The following CCDC178 variants were observed in gnomAD, a reference collection of about 807,000 sequenced individuals.
CCDC178 encodes the protein coiled-coil domain containing 178, also known as coiled-coil domain-containing protein 178.
Under a neutral mutation model 117.4 loss-of-function variants are expected in CCDC178, and 126 were observed. The observed-to-expected ratio is 1.07, with a 90% CI of 0.93 to 1.24. The LOEUF is 1.24. CCDC178 is among the 50% of genes most tolerant of loss of function. CCDC178 has a pLI of 0.00. For missense variants in CCDC178, 1,030 were observed against 986.9 expected (o/e 1.04, Z -0.59); for synonymous variants, 283 against 313.4 (o/e 0.90, Z 1.02).
At chr18:33,269,379 G>A (rs1423481899) in intron 12 of CCDC178, among the ~76,000 whole-genome samples, 2 of 151,710 alleles carry the variant, frequency 1.3e-5, no homozygotes, top group Non-Finnish European at 2.9e-5. Flanking sequence ...AAATATCCAG[G>A]GATGTGTGAA....
At chr18:32,985,419 T>C (rs1253385520) in intron 21 of CCDC178, among the ~76,000 whole-genome samples, 2 of 151,976 alleles carry the variant, frequency 1.3e-5, no homozygotes, top group Non-Finnish European at 2.9e-5. Context: ...TCTGACCCTA[T>C]TATTGTCTTA....
intron 21 of CCDC178, among the ~76,000 whole-genome samples, chr18:32,991,153 C>A (rs2055381681): frequency 6.6e-6 from 1 of 151,958 alleles, no homozygotes; most frequent in Non-Finnish European, 1.5e-5. Context: ...AAAAAAGATT[C>A]TTAGTAGCAA....
chr18:33,248,195 A>G (rs1479783608), intron 14 of CCDC178, among the ~76,000 whole-genome samples: 1 of 151,918 alleles, frequency 6.6e-6, no homozygotes, highest in Non-Finnish European at 1.5e-5. Flanking sequence ...AGTTCCATAC[A>G]TTGCCAAATT....
At chr18:32,971,977 C>T (rs2054937058) in intron 22 of CCDC178, among the ~76,000 whole-genome samples, 1 of 152,026 alleles carries the variant, frequency 6.6e-6, no homozygotes, top group African/African-American at 2.4e-5. Context: ...GTTGCCTCTT[C>T]ACTCTGATGC....
chr18:33,327,459 A>G (rs1384276479), intron 10 of CCDC178, among the ~76,000 whole-genome samples: 1 of 152,078 alleles, frequency 6.6e-6, no homozygotes, highest in African/African-American at 2.4e-5. Context: ...TGTTTCTTTT[A>G]GATGTATACC....
intron 21 of CCDC178, among the ~76,000 whole-genome samples, chr18:32,978,991 C>T (rs1222900157): frequency 6.7e-6 from 1 of 149,790 alleles, no homozygotes; most frequent in Non-Finnish European, 1.5e-5. Context: ...GAGCAGAGAT[C>T]GCGCCATTCC....
At chr18:33,339,813 G>A (rs1190385243) in intron 9 of CCDC178, among the ~76,000 whole-genome samples, 2 of 151,942 alleles carry the variant, frequency 1.3e-5, no homozygotes, top group African/African-American at 4.8e-5. Flanking sequence ...TTCACCACCG[G>A]TCATAATTCT....
intron 15 of CCDC178, among the ~76,000 whole-genome samples, chr18:33,242,474 A>T (rs1375223779): frequency 6.6e-6 from 1 of 151,972 alleles, no homozygotes; most frequent in Non-Finnish European, 1.5e-5. Context: ...TACCACCTAA[A>T]GAACAAGAGA....
At chr18:33,166,756 G>A (rs1464401329) in intron 20 of CCDC178, among the ~76,000 whole-genome samples, 3 of 152,130 alleles carry the variant, frequency 2.0e-5, no homozygotes, top group Non-Finnish European at 2.9e-5. Context: ...TGACTTTTAC[G>A]TAAAAATTCA....
At chr18:33,245,741 T>C (rs535812278) in intron 14 of CCDC178, among the ~76,000 whole-genome samples, 1 of 152,002 alleles carries the variant, frequency 6.6e-6, no homozygotes, top group African/African-American at 2.4e-5. Context: ...CCATTTCAAT[T>C]TGTGACTTCC....
chr18:33,015,530 A>G (rs1463133943), intron 21 of CCDC178, among the ~76,000 whole-genome samples: 1 of 152,072 alleles, frequency 6.6e-6, no homozygotes, highest in Admixed American at 6.6e-5. Context: ...GCACCACTGC[A>G]CTCTAGCCTG....
chr18:33,374,862 T>A (rs1292710642), intron 5 of CCDC178, among the ~76,000 whole-genome samples: 1 of 152,090 alleles, frequency 6.6e-6, no homozygotes, highest in South Asian at 2.1e-4. Context: ...TCTGAAAAAG[T>A]TGGGCACAAA....
At chr18:33,077,013 T>C (rs2057220648) in intron 21 of CCDC178, among the ~76,000 whole-genome samples, 1 of 152,194 alleles carries the variant, frequency 6.6e-6, no homozygotes, top group Non-Finnish European at 1.5e-5. Flanking sequence ...ATTAGAAACA[T>C]AAATGATCTA....
chr18:33,323,761 A>G, intron 10 of CCDC178, 128 bp from the exon 11 acceptor site: 1 of 522,852 alleles, frequency 1.9e-6, no homozygotes. Flanking sequence ...CATTTAGCCT[A>G]TGGTTTGGTA....
At chr18:33,019,471 T>C (rs1408204133) in intron 21 of CCDC178, among the ~76,000 whole-genome samples, 2 of 152,196 alleles carry the variant, frequency 1.3e-5, no homozygotes, top group Admixed American at 1.3e-4. Flanking sequence ...CAGGTGGCCC[T>C]ATAACTGGAG....
At chr18:33,184,367 G>A (rs184248498) in intron 20 of CCDC178, among the ~76,000 whole-genome samples, 1 of 151,962 alleles carries the variant, frequency 6.6e-6, no homozygotes, top group Non-Finnish European at 1.5e-5. Flanking sequence ...AGCAAACAAA[G>A]TAACGGCTAC....
chr18:33,358,509 G>A (rs1191379982), intron 6 of CCDC178, among the ~76,000 whole-genome samples: 1 of 151,906 alleles, frequency 6.6e-6, no homozygotes, highest in African/African-American at 2.4e-5. Context: ...TTTGATGTAT[G>A]ATGGATATGG....
chr18:33,229,501 A>G (rs766339558), intron 15 of CCDC178, among the ~76,000 whole-genome samples: 3 of 152,194 alleles, frequency 2.0e-5, no homozygotes, highest in East Asian at 1.9e-4. Flanking sequence ...TAACTTCACA[A>G]TGAAATCTAT....
chr18:33,105,481 A>C (rs1270833271), intron 20 of CCDC178, among the ~76,000 whole-genome samples: 2 of 151,662 alleles, frequency 1.3e-5, no homozygotes, highest in Non-Finnish European at 3.0e-5. Context: ...TTATGAAGAA[A>C]ATAGATGAAC....
Sources: gnomAD v4.1 joint callset for allele counts (sites outside exome capture counted in the v4.1 genomes callset) on GRCh38, gnomAD v4.1.1 for gene constraint, MANE v1.5 for transcripts, NCBI Gene and HGNC (gene_info 2026-07-23, HGNC 2026-07-21) for gene names.